The following MAPKAP1 variants were observed in gnomAD, a reference collection of about 807,000 sequenced individuals.
MAPKAP1 encodes the protein target of rapamycin complex 2 subunit MAPKAP1.
A neutral mutation model predicts 65.7 loss-of-function variants in MAPKAP1; 20 were observed. The ratio of observed to expected loss-of-function variants is 0.30; its 90% confidence interval spans 0.21 to 0.44. The LOEUF is 0.44. Among genes scored for constraint, MAPKAP1 ranks in the 20% least tolerant of loss-of-function variants. The pLI, the probability that MAPKAP1 is intolerant of heterozygous loss-of-function variation, is 1.00. For synonymous variants in MAPKAP1, 222 were observed against 244.3 expected, an observed-to-expected ratio of 0.91 and a Z score of 0.85; for missense variants, 423 against 648.0, an observed-to-expected ratio of 0.65 and a Z score of 3.77.
At chr9:125,524,216 T>C (rs922623714) in intron 7 of MAPKAP1, among the ~76,000 whole-genome samples, 3 of 152,196 alleles carry the variant, frequency 2.0e-5, no homozygotes, top group African/African-American at 4.8e-5. Flanking sequence ...ACTAGGTTGG[T>C]AGGACAGTGA....
chr9:125,482,503 T>C (rs1358565277), intron 9 of MAPKAP1, among the ~76,000 whole-genome samples: 1 of 152,204 alleles, frequency 6.6e-6, no homozygotes, highest in Non-Finnish European at 1.5e-5. Context: ...CTGAATGACT[T>C]TATGATTTAA....
chr9:125,461,813 T>A (rs754648540), intron 10 of MAPKAP1, among the ~76,000 whole-genome samples: 3 of 152,166 alleles, frequency 2.0e-5, no homozygotes, highest in Non-Finnish European at 4.4e-5. Flanking sequence ...TGCCTGGATC[T>A]CCCGGGAGTG....
intron 6 of MAPKAP1, among the ~76,000 whole-genome samples, chr9:125,557,982 G>C (rs141675160): frequency 6.6e-6 from 1 of 152,120 alleles, no homozygotes; most frequent in Non-Finnish European, 1.5e-5. Context: ...TCAGACTCCC[G>C]AGTAGCTGGG....
Position 125,531,432 on chromosome 9 carries a change from TGTGA to T in MAPKAP1, c.958+11623_958+11626del, listed in dbSNP as rs761721985. 1.1e-4 allele frequency among the ~76,000 whole-genome samples: 17 copies of T among 152,356 alleles called. No homozygotes were observed. The East Asian group carries it at 3.3e-3, about 29-fold the overall frequency. ...GTATCTGGCAGATCACCTGGCCAAG[TGTGA>T]GTATTAGTAAGTGGTGATTATTATA... is the stretch of plus-strand genomic sequence containing the variant. On this transcript the variant is annotated intron_variant, in intron 7 of 11. Coordinates refer to ENST00000265960, the MANE Select transcript of MAPKAP1 (RefSeq NM_001006617.3).
chr9:125,453,309 A>T (rs114339975), intron 10 of MAPKAP1, among the ~76,000 whole-genome samples: 1 of 152,260 alleles, frequency 6.6e-6, no homozygotes, highest in East Asian at 1.9e-4. Context: ...CAGATGATCT[A>T]TCTGCCTCGG....
At chr9:125,676,223 A>G (rs1243516492) in intron 1 of MAPKAP1, among the ~76,000 whole-genome samples, 1 of 152,210 alleles carries the variant, frequency 6.6e-6, no homozygotes, top group African/African-American at 2.4e-5. Flanking sequence ...TAAAACATGA[A>G]TACTATCTGG....
chr9:125,496,430 C>T (rs1325344880), intron 8 of MAPKAP1, among the ~76,000 whole-genome samples: 2 of 152,176 alleles, frequency 1.3e-5, no homozygotes, highest in Non-Finnish European at 2.9e-5. Flanking sequence ...AAGTCATTTT[C>T]ATTTGTAAAT....
intron 9 of MAPKAP1, among the ~76,000 whole-genome samples, chr9:125,473,261 C>T (rs146384543): frequency 1.3e-5 from 2 of 152,072 alleles, no homozygotes; most frequent in African/African-American, 2.4e-5. Context: ...GAAAAGAGCA[C>T]GGGGGCTGGC....
chr9:125,696,402 A>C (rs1188877750), intron 1 of MAPKAP1: 5 of 149,346 alleles, frequency 3.3e-5, no homozygotes, highest in Non-Finnish European at 7.4e-5. Flanking sequence ...TAGAGCAAGA[A>C]CCCTGTCTCG....
At chr9:125,611,905 A>G (rs1564582033) in intron 4 of MAPKAP1, among the ~76,000 whole-genome samples, 1 of 152,216 alleles carries the variant, frequency 6.6e-6, no homozygotes. Context: ...TTGGACAAAA[A>G]TATCTGTAAA....
chr9:125,458,337 G>C (rs1853280531), intron 10 of MAPKAP1, among the ~76,000 whole-genome samples: 1 of 151,770 alleles, frequency 6.6e-6, no homozygotes, highest in African/African-American at 2.4e-5. Flanking sequence ...AAAGGTCTCT[G>C]GTTTTCCTAG....
rs117138722 is a variant in MAPKAP1 at position 125,679,446 on chromosome 9, T to A, written c.-69-6803A>T. Among the ~76,000 whole-genome samples, 427 of 152,268 alleles carry A rather than the reference T, an allele frequency of 2.8e-3. 6 individuals carry two copies. In the East Asian group the frequency reaches 0.033, roughly 12 times the overall value. ...CTTAGCTCCCCTCCACTAACAACAG[T>A]GCTTGTACAACAGCAAGAAACAATC... On this transcript the variant is annotated intron_variant, in intron 1 of 11. Coordinates refer to ENST00000265960, the MANE Select transcript of MAPKAP1 (RefSeq NM_001006617.3).
At chr9:125,653,227 A>T (rs829314) in intron 4 of MAPKAP1, among the ~76,000 whole-genome samples, 78,356 of 152,112 alleles carry the variant, frequency 0.52, 20,942 homozygotes, top group East Asian at 0.67. Flanking sequence ...CTGTAACAAG[A>T]AACAGAGTAA....
chr9:125,649,850 G>C (rs1040407811), intron 4 of MAPKAP1, among the ~76,000 whole-genome samples: 1 of 148,498 alleles, frequency 6.7e-6, no homozygotes, highest in Non-Finnish European at 1.5e-5. Context: ...TTGAGAATTA[G>C]AACACCTGGA....
At chr9:125,687,393 TAGGAGAGTC>T (rs1835016430) in intron 1 of MAPKAP1, among the ~76,000 whole-genome samples, 1 of 152,132 alleles carries the variant, frequency 6.6e-6, no homozygotes, top group Non-Finnish European at 1.5e-5. Flanking sequence ...GGGATGACTT[TAGGAGAGTC>T]AGTGCTTCCG....
intron 4 of MAPKAP1, among the ~76,000 whole-genome samples, chr9:125,655,021 G>A (rs966059319): frequency 2.6e-5 from 4 of 152,046 alleles, no homozygotes; most frequent in African/African-American, 9.7e-5. Flanking sequence ...TGTAAATAAG[G>A]CAAGAGTTAT....
chr9:125,506,400 C>G lies in MAPKAP1; in HGVS notation c.976G>C (p.Glu326Gln). 6.2e-7 allele frequency: 1 copy of G among 1,614,046 alleles called. No individual in the cohort carries two copies. ...GCGACATTGGGCTCGCTCTGCTTCT[C>G]CAGGCGGTACTGAGGGCCTGGAAGA... ...QKVSGPQYRL[E>Q]KQSEPNVAVD... Residue 326 changes from glutamate to glutamine, a missense_variant, in exon 8 of 12, where the codon GAG becomes CAG. Physicochemically the swap from Glu to Gln is conservative, Grantham distance 29 (BLOSUM62 2). This residue lies in a region of MAPKAP1 where 185 missense variants were observed against 268.1 expected (regional missense o/e 0.69). Transcript: ENST00000265960.
intron 6 of MAPKAP1, among the ~76,000 whole-genome samples, chr9:125,551,727 TATAAGGTA>T (rs1830591385): frequency 6.6e-6 from 1 of 151,780 alleles, no homozygotes; most frequent in African/African-American, 2.4e-5. Flanking sequence ...TGTCAACACA[TATAAGGTA>T]ATAATACTAC....
chr9:125,645,556 G>A (rs1036267328), intron 4 of MAPKAP1, among the ~76,000 whole-genome samples: 13 of 152,062 alleles, frequency 8.5e-5, no homozygotes, highest in African/African-American at 2.9e-4. Context: ...GGCCAACATG[G>A]TGAAACCCCG....
Sources: allele counts gnomAD v4.1 joint callset (sites outside exome capture counted in the v4.1 genomes callset), GRCh38; gene constraint gnomAD v4.1.1; regional missense constraint gnomAD v4.1.1; transcripts MANE v1.5; gene names NCBI Gene and HGNC (gene_info 2026-07-23, HGNC 2026-07-21).